The following CDH12 variants were observed in gnomAD, a reference collection of about 807,000 sequenced individuals.
CDH12 encodes cadherin 12.
In CDH12, 41 loss-of-function variants were observed where a neutral mutation model predicts 74.1. That is an observed-to-expected ratio of 0.55 (90% CI 0.43 to 0.72). The LOEUF is 0.72. Among genes scored for constraint, CDH12 ranks in the 30% least tolerant of loss-of-function variants. The pLI is 0.00. For synonymous variants in CDH12, 399 were observed against 355.0 expected (o/e 1.12, Z -1.39); for missense variants, 945 against 977.2 (o/e 0.97, Z 0.44).
intron 1 of CDH12, among the ~76,000 whole-genome samples, chr5:22,581,406 T>G (rs2126783645): frequency 6.6e-6 from 1 of 152,310 alleles, no homozygotes; most frequent in Non-Finnish European, 1.5e-5. Flanking sequence ...TTTCAGAGGA[T>G]ATTTGGAAAT....
At chr5:22,497,668 A>C (rs1747157353) in intron 2 of CDH12, among the ~76,000 whole-genome samples, 1 of 95,458 alleles carries the variant, frequency 1.0e-5, no homozygotes, top group Non-Finnish European at 1.9e-5. Context: ...TTTGAGATGT[A>C]ATCTGGCTCT....
chr5:22,576,616 C>T (rs931277439), intron 1 of CDH12, among the ~76,000 whole-genome samples: 14 of 152,044 alleles, frequency 9.2e-5, no homozygotes, highest in Non-Finnish European at 5.9e-5. Flanking sequence ...AGGAAATTGC[C>T]GTTAAGCAAA....
chr5:21,919,148 A>T (rs908257149), intron 6 of CDH12, among the ~76,000 whole-genome samples: 4 of 152,336 alleles, frequency 2.6e-5, no homozygotes. Flanking sequence ...ATTTTAAAAA[A>T]TGCTGTTGTC....
Position 22,822,345 on chromosome 5 carries a change from C to T in CDH12, c.-523+30713G>A, listed in dbSNP as rs1749748110. ...GGGCAAGGACTTCATGTCTAAAACACCAAAAGCAATGGCAACAAAAGCCAA... is the reference window on the plus strand; with the variant it reads ...GGGCAAGGACTTCATGTCTAAAACATCAAAAGCAATGGCAACAAAAGCCAA... On this transcript the variant is annotated intron_variant, in intron 1 of 14. Transcript: ENST00000382254. Among the ~76,000 whole-genome samples, 3 of 151,990 alleles carry T rather than the reference C, an allele frequency of 2.0e-5. No individual in the cohort carries two copies. In the South Asian group the frequency reaches 6.2e-4, roughly 31 times the overall value.
chr5:22,030,976 T>G lies in CDH12; in HGVS notation c.231+47470A>C, dbSNP rs906414989. 5.3e-5 allele frequency among the ~76,000 whole-genome samples: 8 copies of G among 152,200 alleles called. No homozygotes were observed. In the East Asian group the frequency reaches 1.5e-3, roughly 29 times the overall value. On this transcript the variant is annotated intron_variant, in intron 5 of 14. Coordinates refer to ENST00000382254, the MANE Select transcript of CDH12 (RefSeq NM_004061.5). Reference sequence around the variant, plus strand: ...AGACTTTTTCTCTGCAGCTTCCTCATCTCTCTCAGCCTTCACAGAATTGAG... The same window carrying G: ...AGACTTTTTCTCTGCAGCTTCCTCAGCTCTCTCAGCCTTCACAGAATTGAG...
intron 1 of CDH12, among the ~76,000 whole-genome samples, chr5:22,614,587 C>T (rs184320155): frequency 3.5e-4 from 47 of 136,076 alleles, no homozygotes; most frequent in African/African-American, 1.2e-3. Flanking sequence ...AACATGTCAA[C>T]GTGTTTCAAG....
chr5:22,648,550 C>T (rs985538939), intron 1 of CDH12, among the ~76,000 whole-genome samples: 1 of 151,764 alleles, frequency 6.6e-6, no homozygotes, highest in Non-Finnish European at 1.5e-5. Context: ...AGTTCTCTAC[C>T]GATATCCCTT....
intron 5 of CDH12, among the ~76,000 whole-genome samples, chr5:21,987,392 A>G (rs1757563531): frequency 6.6e-6 from 1 of 152,204 alleles, no homozygotes; most frequent in Admixed American, 6.5e-5. Flanking sequence ...AAAATGACCT[A>G]TGAATCAAGC....
At chr5:21,822,288 A>T (rs1322766028) in intron 8 of CDH12, among the ~76,000 whole-genome samples, 2 of 148,886 alleles carry the variant, frequency 1.3e-5, no homozygotes, top group Non-Finnish European at 3.0e-5. Context: ...AATTTTTCCT[A>T]TCAGAATGGC....
In CDH12 at chr5:22,157,923, C is replaced by A. The variant is rs1286373991; in HGVS notation, c.-187+54575G>T. Among the ~76,000 whole-genome samples, 3 of 150,850 alleles carry A rather than the reference C, an allele frequency of 2.0e-5. No individual in the cohort carries two copies. In the East Asian group the frequency reaches 5.8e-4, roughly 29 times the overall value. On this transcript the variant is annotated intron_variant, in intron 4 of 14. Coordinates refer to ENST00000382254, the MANE Select transcript of CDH12 (RefSeq NM_004061.5). The stretch of plus-strand genomic sequence containing the variant: ...CTTTATTCCAATATGTTTTTTTTTC[C>A]GGGATAAAGATTATAATGAGATTCA...
chr5:21,821,818 T>C (rs1371430000), intron 8 of CDH12, among the ~76,000 whole-genome samples: 1 of 151,980 alleles, frequency 6.6e-6, no homozygotes, highest in Non-Finnish European at 1.5e-5. Context: ...AAACATTAGA[T>C]TGTTCAAATG....
intron 1 of CDH12, among the ~76,000 whole-genome samples, chr5:22,620,594 T>A (rs1737922303): frequency 1.3e-5 from 2 of 152,114 alleles, no homozygotes; most frequent in South Asian, 4.1e-4. Flanking sequence ...TACTTATAGT[T>A]CATATATTTC....
chr5:21,819,246 T>A (rs1748229425), intron 8 of CDH12, among the ~76,000 whole-genome samples: 2 of 151,940 alleles, frequency 1.3e-5, no homozygotes. Context: ...TAAACCATGA[T>A]CCTAGTGAGG....
At chr5:22,586,872 G>GT (rs1740431582) in intron 1 of CDH12, among the ~76,000 whole-genome samples, 1 of 136,996 alleles carries the variant, frequency 7.3e-6, no homozygotes, top group African/African-American at 2.8e-5. Flanking sequence ...AGAAGACAGA[G>GT]TTTTGCTCTT....
chr5:22,094,973 G>A (rs921617301), intron 4 of CDH12, among the ~76,000 whole-genome samples: 5 of 151,976 alleles, frequency 3.3e-5, no homozygotes, highest in African/African-American at 4.8e-5. Flanking sequence ...CCCTCTTTTC[G>A]GACTCAGCCC....
At chr5:22,475,058 C>A (rs983160377) in intron 2 of CDH12, among the ~76,000 whole-genome samples, 3 of 150,416 alleles carry the variant, frequency 2.0e-5, no homozygotes, top group African/African-American at 7.4e-5. Context: ...GGGGTGTTTG[C>A]ATATCTAGTA....
chr5:22,623,733 T>C (rs1449057347), intron 1 of CDH12, among the ~76,000 whole-genome samples: 2 of 152,156 alleles, frequency 1.3e-5, no homozygotes, highest in South Asian at 2.1e-4. Context: ...AAAATGGCCA[T>C]ACTGCCCAAG....
intron 4 of CDH12, among the ~76,000 whole-genome samples, chr5:22,125,753 C>G (rs1032417369): frequency 1.3e-5 from 2 of 152,260 alleles, no homozygotes; most frequent in African/African-American, 4.8e-5. Context: ...GTAGCCTGCA[C>G]GCCCTGTCTC....
intron 3 of CDH12, among the ~76,000 whole-genome samples, chr5:22,384,537 A>G (rs1741914729): frequency 7.2e-6 from 1 of 137,990 alleles, no homozygotes; most frequent in Non-Finnish European, 1.5e-5. Context: ...AAAAAAAAAA[A>G]AAAGAAAAAG....
Sources: allele counts gnomAD v4.1 joint callset (sites outside exome capture counted in the v4.1 genomes callset), GRCh38; gene constraint gnomAD v4.1.1; transcripts MANE v1.5; gene names NCBI Gene and HGNC (gene_info 2026-07-23, HGNC 2026-07-21).